Variants in CADPS observed in about 807,000 individuals in gnomAD.
CADPS encodes calcium dependent secretion activator, also known as calcium-dependent secretion activator 1.
A neutral mutation model predicts 167.3 loss-of-function variants in CADPS; 57 were observed. The observed-to-expected ratio is 0.34, with a 90% confidence interval of 0.28 to 0.42. The LOEUF (loss-of-function observed/expected upper bound fraction) is 0.42, where lower values mean the gene tolerates loss of function less well. Ranked by LOEUF, CADPS falls within the 20% of genes least tolerant of loss-of-function variation. The probability of loss-of-function intolerance (pLI) is 1.00; values close to 1 mark genes in which losing one functional copy is unlikely to be tolerated. For synonymous variants in CADPS, 676 were observed against 635.3 expected, an observed-to-expected ratio of 1.06 and a Z score of -0.96; for missense variants, 1,414 against 1,738.1, an observed-to-expected ratio of 0.81 and a Z score of 3.32.
At chr3:62,432,409 AT>A (rs2054171158) in intron 28 of CADPS, among the ~76,000 whole-genome samples, 1 of 152,064 alleles carries the variant, frequency 6.6e-6, no homozygotes, top group South Asian at 2.1e-4. Flanking sequence ...GACCATCACT[AT>A]TTTGCCTGTT....
In CADPS at chr3:62,645,711, A is replaced by T. The variant is rs1389430841; in HGVS notation, c.1325+11T>A. 1.2e-6 allele frequency: 2 copies of T among 1,613,550 alleles called. No individual in the cohort carries two copies. Among genetic ancestry groups the T allele is most frequent in the Non-Finnish European group, 1.7e-6 (2 of 1,179,822 alleles). ...CCTCTATAAGATGGACCCTGGAGAA[A>T]CATAACTTACGTTGGTTTAGAAGCC... On this transcript the variant is annotated intron_variant, in intron 6 of 29. Transcript: ENST00000383710.
chr3:62,625,160 C>T (rs1208545681), intron 6 of CADPS: 1 of 149,716 alleles, frequency 6.7e-6, no homozygotes, highest in African/African-American at 2.5e-5. Context: ...ACATGTACAC[C>T]TGAATTTTAA....
chr3:62,543,137 G>T (rs1459296650), intron 11 of CADPS, among the ~76,000 whole-genome samples: 1 of 152,042 alleles, frequency 6.6e-6, no homozygotes, highest in Non-Finnish European at 1.5e-5. Flanking sequence ...CCTGATTGTG[G>T]GAACATATTC....
In CADPS at chr3:62,465,085, G is replaced by A. The variant is rs4688131; in HGVS notation, c.3636+282C>T. On this transcript the variant is annotated intron_variant, in intron 26 of 29. Coordinates refer to ENST00000383710, the MANE Select transcript of CADPS (RefSeq NM_003716.4). The surrounding 1 kb of genome is among the most constrained non-coding windows in gnomAD (Gnocchi z 4.1). ...CATTTGCCAGAGCTAGCTAAGGTGGGCTTAGGTAGGCAAATCTCTGGATGC... is the reference window on the plus strand; with the variant it reads ...CATTTGCCAGAGCTAGCTAAGGTGGACTTAGGTAGGCAAATCTCTGGATGC... Among the ~76,000 whole-genome samples the A allele has an allele frequency of 0.55, 83,829 of 152,032 alleles. 26,227 individuals are homozygous for A. Among genetic ancestry groups the A allele is most frequent in the East Asian group, 0.73 (3,768 of 5,166 alleles).
At chr3:62,671,218 T>C (rs1252654116) in intron 3 of CADPS, among the ~76,000 whole-genome samples, 22 of 151,948 alleles carry the variant, frequency 1.4e-4, no homozygotes, top group Admixed American at 1.4e-3. Context: ...GTTAAGGCCA[T>C]AATGTATTAC....
chr3:62,502,758 AG>A (rs2065975956), intron 17 of CADPS, among the ~76,000 whole-genome samples: 5 of 152,152 alleles, frequency 3.3e-5, no homozygotes, highest in Non-Finnish European at 5.9e-5. Context: ...ATTTTGGCCT[AG>A]GCATGCCTTT....
rs116266159 is a variant in CADPS, at chr3:62,671,164, C to A, written c.889-8770G>T. ...TATGAAAACGAAAGAAGATGGTACT[C>A]ATAAAGCACTTAGCATCATGTCCCA... On this transcript the variant is annotated intron_variant, in intron 3 of 29. Transcript: ENST00000383710. Among the ~76,000 whole-genome samples the A allele has an allele frequency of 2.6e-3, 396 of 152,242 alleles. 3 individuals are homozygous for A. The highest frequency in any genetic ancestry group is 9.0e-3 in the African/African-American group (372 of 41,548).
intron 3 of CADPS, among the ~76,000 whole-genome samples, chr3:62,726,919 C>T (rs947593305): frequency 1.3e-5 from 2 of 151,744 alleles, no homozygotes; most frequent in African/African-American, 4.9e-5. Context: ...TTTTTGCACG[C>T]ATCTCTTTAA....
At chr3:62,589,104 AAACAT>A (rs1280283774) in intron 7 of CADPS, among the ~76,000 whole-genome samples, 2 of 152,376 alleles carry the variant, frequency 1.3e-5, no homozygotes, top group Admixed American at 6.5e-5. Flanking sequence ...ATTAAAAACA[AAACAT>A]AACCCTAAAG....
At chr3:62,669,291 C>T (rs759634173) in intron 3 of CADPS, among the ~76,000 whole-genome samples, 1 of 152,162 alleles carries the variant, frequency 6.6e-6, no homozygotes, top group African/African-American at 2.4e-5. Context: ...GCTGGCAGGG[C>T]CCTCCTTTCC....
chr3:62,800,508 A>C (rs1166986767), intron 1 of CADPS, among the ~76,000 whole-genome samples: 1 of 152,142 alleles, frequency 6.6e-6, no homozygotes, highest in African/African-American at 2.4e-5. Flanking sequence ...ATTTACTGGG[A>C]AGATATTTTA....
At chr3:62,857,427 C>T (rs1488536618) in intron 1 of CADPS, among the ~76,000 whole-genome samples, 1 of 151,864 alleles carries the variant, frequency 6.6e-6, no homozygotes, top group Non-Finnish European at 1.5e-5. Flanking sequence ...AAGGTAAGTA[C>T]ACAAAGATGC....
chr3:62,696,404 C>G (rs546749499), intron 3 of CADPS, among the ~76,000 whole-genome samples: 1 of 152,074 alleles, frequency 6.6e-6, no homozygotes, highest in Non-Finnish European at 1.5e-5. Context: ...TGCAGATACA[C>G]CCTCTTTGCA....
chr3:62,573,044 G>A (rs1236532441), intron 8 of CADPS, among the ~76,000 whole-genome samples: 1 of 152,068 alleles, frequency 6.6e-6, no homozygotes. Flanking sequence ...ACCATGTCCG[G>A]CTAATTTTTG....
intron 1 of CADPS, among the ~76,000 whole-genome samples, chr3:62,832,916 C>T (rs1204920180): frequency 1.3e-5 from 2 of 152,164 alleles, no homozygotes; most frequent in Non-Finnish European, 2.9e-5. Flanking sequence ...GAATGAAGAA[C>T]CCCTCCACTC....
At chr3:62,536,237 T>C in intron 12 of CADPS, 2 of 444,358 alleles carry the variant, frequency 4.5e-6, no homozygotes, top group Non-Finnish European at 8.0e-6. Context: ...GCTGGGGAAT[T>C]GGATCTGTTT....
chr3:62,686,489 TTC>T (rs1255521863), intron 3 of CADPS, among the ~76,000 whole-genome samples: 1 of 152,078 alleles, frequency 6.6e-6, no homozygotes, highest in African/African-American at 2.4e-5. Context: ...TCTGAAGTTT[TTC>T]TCTTTTTTGT....
chr3:62,549,825 A>T, intron 11 of CADPS, 78 bp downstream of exon 11: 2 of 1,115,658 alleles, frequency 1.8e-6, no homozygotes, highest in Non-Finnish European at 2.6e-6. Flanking sequence ...TATAAAAGCA[A>T]CTAGGTTTTC....
rs1366221271 is a variant in CADPS, at chr3:62,421,632, A to AC, written c.3777+16471dup. 6.6e-6 allele frequency among the ~76,000 whole-genome samples: 1 copy of AC among 151,772 alleles called. No homozygotes were observed. The highest frequency in any genetic ancestry group is 1.5e-5 in the Non-Finnish European group (1 of 67,966). Reference sequence around the variant, plus strand: ...TAACTTTGATTGGCTTCGTTCCCCCACCCCTCCTGACGCTTCCCCCTTTTC... The same window carrying AC: ...TAACTTTGATTGGCTTCGTTCCCCCACCCCCTCCTGACGCTTCCCCCTTTTC... On this transcript the variant is annotated intron_variant, in intron 28 of 29. Transcript: ENST00000383710. This position sits in a 1 kb window ranked among gnomAD's most constrained non-coding sequence, Gnocchi z 4.7.
Sources: gnomAD v4.1 joint callset for allele counts (sites outside exome capture counted in the v4.1 genomes callset) on GRCh38, gnomAD v4.1.1 for gene constraint, Gnocchi (gnomAD v3.1) non-coding constraint, MANE v1.5 for transcripts, NCBI Gene and HGNC (gene_info 2026-07-23, HGNC 2026-07-21) for gene names.